The following CPLX2 variants were observed in gnomAD, a reference collection of about 807,000 sequenced individuals.
CPLX2 encodes the protein complexin 2.
Under a neutral mutation model 16.3 loss-of-function variants are expected in CPLX2, and 5 were observed. The ratio of observed to expected loss-of-function variants is 0.31; its 90% CI spans 0.16 to 0.64. The LOEUF is 0.64. Among genes scored for constraint, CPLX2 ranks in the 30% least tolerant of loss-of-function variants. The pLI is 0.79. For missense variants in CPLX2, 144 were observed against 181.4 expected, an observed-to-expected ratio of 0.79 and a Z score of 1.18; for synonymous variants, 89 against 73.2, an observed-to-expected ratio of 1.22 and a Z score of -1.10.
chr5:175,821,037 GGTTGTCCTGGGA>G (rs1330174219), intron 2 of CPLX2, among the ~76,000 whole-genome samples: 1 of 152,078 alleles, frequency 6.6e-6, no homozygotes, highest in Non-Finnish European at 1.5e-5. Context: ...ACCTCCTGGG[GGTTGTCCTGGGA>G]TTTGGCAAAA....
rs1758719029 is a variant in CPLX2 at position 175,830,698 on chromosome 5, A to AG, written c.-89+21631dup. 2.0e-5 allele frequency among the ~76,000 whole-genome samples: 3 copies of AG among 152,202 alleles called. No homozygotes were observed. Among genetic ancestry groups the AG allele is most frequent in the African/African-American group, 2.4e-5 (1 of 41,438 alleles). On this transcript the variant is annotated intron_variant, in intron 2 of 4. Coordinates refer to the CPLX2 transcript ENST00000359546. This position sits in a 1 kb window ranked among gnomAD's most constrained non-coding sequence, Gnocchi z 4.0. ...CAGAGCTTTCCTGGAAACAGCAGGA[A>AG]GCTATTTTTAAAGCAGCATCCGCAG...
chr5:175,853,547 T>C (rs1759196101), intron 2 of CPLX2, among the ~76,000 whole-genome samples: 1 of 152,182 alleles, frequency 6.6e-6, no homozygotes, highest in African/African-American at 2.4e-5. Context: ...ACAGGCTTGC[T>C]GGCAAATATC....
chr5:175,836,253 G>C (rs908304861), intron 2 of CPLX2, among the ~76,000 whole-genome samples: 11 of 152,306 alleles, frequency 7.2e-5, no homozygotes, highest in African/African-American at 2.2e-4. Context: ...GGGAGGCTGA[G>C]GCAGGAGAAT....
intron 2 of CPLX2, among the ~76,000 whole-genome samples, chr5:175,843,112 G>A (rs1758976105): frequency 6.6e-6 from 1 of 152,174 alleles, no homozygotes; most frequent in African/African-American, 2.4e-5. Context: ...GCGGGTAGGG[G>A]AGGGCCAGTC....
At chr5:175,841,180 C>T (rs1353933977) in intron 2 of CPLX2, among the ~76,000 whole-genome samples, 2 of 152,318 alleles carry the variant, frequency 1.3e-5, no homozygotes, top group Admixed American at 1.3e-4. Context: ...CCCATACATA[C>T]CCTCTGGTGA....
chr5:175,851,823 C>T (rs1176534318), intron 2 of CPLX2, among the ~76,000 whole-genome samples: 2 of 152,216 alleles, frequency 1.3e-5, no homozygotes, highest in Non-Finnish European at 2.9e-5. Context: ...ATCTGGCAGC[C>T]GTGCTTTGGT....
At chr5:175,878,808 C>T (rs751442006) in intron 2 of CPLX2, 38 bp downstream of exon 2, 1 of 1,611,716 alleles carries the variant, frequency 6.2e-7, no homozygotes, top group South Asian at 1.1e-5. Context: ...CTCAGCCGGT[C>T]CCACCCTTGT....
chr5:175,810,269 A>G (rs1213121234), intron 2 of CPLX2, among the ~76,000 whole-genome samples: 1 of 151,830 alleles, frequency 6.6e-6, no homozygotes, highest in Non-Finnish European at 1.5e-5. Context: ...ACTGAGACCC[A>G]GAGTGGGGAG....
rs1755605299 is a variant in CPLX2, at chr5:175,881,551, T to G, written c.*1506T>G. ...TGTGTTTGAGAGAATTCAGAGACAT[T>G]TGAAGGCTGCTGTGTGCATGTTTGG... is the stretch of plus-strand genomic sequence containing the variant. On this transcript the variant is annotated 3_prime_UTR_variant, in exon 4 of 4. Transcript: ENST00000393745. The G allele has an allele frequency of 6.5e-6, 1 of 152,974 alleles. No homozygotes were observed. The allele number at this position is 152,974 out of a possible 1,614,324, so 9.5% of individuals were successfully genotyped here.
chr5:175,865,894 G>C (rs994474778), intron 2 of CPLX2, among the ~76,000 whole-genome samples: 2 of 152,250 alleles, frequency 1.3e-5, no homozygotes, highest in Non-Finnish European at 2.9e-5. Context: ...CAGTGGTTCT[G>C]AGTAGGAGTG....
chr5:175,807,734 C>T (rs961293185), intron 1 of CPLX2, among the ~76,000 whole-genome samples: 1 of 152,176 alleles, frequency 6.6e-6, no homozygotes, highest in African/African-American at 2.4e-5. Flanking sequence ...ATATACTTAT[C>T]AAGTCCTGCT....
intron 1 of CPLX2, among the ~76,000 whole-genome samples, chr5:175,875,242 T>C (rs1392225821): frequency 6.6e-6 from 1 of 151,468 alleles, no homozygotes; most frequent in African/African-American, 2.4e-5. Context: ...GGGAAGGAGT[T>C]AGAGAAGGGA....
chr5:175,862,689 T>C (rs116408011), intron 2 of CPLX2, among the ~76,000 whole-genome samples: 2,771 of 152,322 alleles, frequency 0.018, 44 homozygotes, highest in Non-Finnish European at 0.028. Context: ...AGGCTCCTTT[T>C]GGATCCTTAA....
At position 175,880,274 on chromosome 5, in the gene CPLX2, T is replaced by G; in HGVS notation, c.*229T>G. 1.6e-6 allele frequency: 1 copy of G among 638,534 alleles called. No individual in the cohort carries two copies. Among genetic ancestry groups the G allele is most frequent in the Non-Finnish European group, 2.9e-6 (1 of 347,918 alleles). The allele number at this position is 638,534 out of a possible 1,614,324, so 39.6% of individuals were successfully genotyped here. On this transcript the variant is annotated 3_prime_UTR_variant, in exon 4 of 4. Transcript: ENST00000393745. ...TAGCTTGAAAAAGGGAGGACAGTCT[T>G]TCCCCAGCAGGGGTCAGGGGGGCCC...
upstream of CPLX2, chr5:175,871,429 G>GAGAGAGAGAGAGAA (rs1561790305): frequency 1.1e-5 from 1 of 91,310 alleles, no homozygotes; most frequent in African/African-American, 4.0e-5. Context: ...GAGAGAGAGA[G>GAGAGAGAGAGAGAA]AGACAGAGAG....
At chr5:175,804,753 G>T (rs940870597) in intron 1 of CPLX2, among the ~76,000 whole-genome samples, 4 of 152,158 alleles carry the variant, frequency 2.6e-5, no homozygotes, top group Non-Finnish European at 5.9e-5. Context: ...GTTTAAGTCT[G>T]AAAGCCTGGT....
At chr5:175,797,279 A>C (rs946619234) in intron 1 of CPLX2, among the ~76,000 whole-genome samples, 7 of 152,128 alleles carry the variant, frequency 4.6e-5, no homozygotes, top group African/African-American at 1.7e-4. Flanking sequence ...TCTCCCAGAG[A>C]GGTGTCACCG....
intron 1 of CPLX2, chr5:175,808,947 A>C (rs1758262062): frequency 6.6e-6 from 1 of 152,358 alleles, no homozygotes; most frequent in South Asian, 2.1e-4. Context: ...ATTCCCCAAG[A>C]AGCTCTCTCC....
At chr5:175,817,032 G>A (rs1475912925) in intron 2 of CPLX2, among the ~76,000 whole-genome samples, 3 of 152,260 alleles carry the variant, frequency 2.0e-5, no homozygotes, top group African/African-American at 2.4e-5. Context: ...GGGCTCAGAC[G>A]CCAGTGCACT....
Sources: allele counts gnomAD v4.1 joint callset (sites outside exome capture counted in the v4.1 genomes callset), GRCh38; gene constraint gnomAD v4.1.1; non-coding constraint Gnocchi (gnomAD v3.1); transcripts MANE v1.5; gene names NCBI Gene and HGNC (gene_info 2026-07-23, HGNC 2026-07-21).